KLF3: variants seen among roughly 807,000 people sequenced by gnomAD.
The protein encoded by KLF3 is Krueppel-like factor 3.
Under a neutral mutation model 32.7 loss-of-function variants are expected in KLF3, and 6 were observed. The ratio of observed to expected loss-of-function variants is 0.18; its 90% CI spans 0.10 to 0.36. The LOEUF is 0.36. KLF3 is among the 10% of genes least tolerant of loss of function. The pLI is 1.00. For synonymous variants in KLF3, 145 were observed against 172.8 expected (o/e 0.84, Z 1.26); for missense variants, 338 against 449.7 (o/e 0.75, Z 2.25).
At position 38,677,720 on chromosome 4, in the gene KLF3, A is replaced by G. The variant is rs150591864; in HGVS notation, c.-39-2867A>G. On this transcript the variant is annotated intron_variant, in intron 1 of 5. Transcript: ENST00000261438. ...ACTGAATCTAGTCAGAGTTTTATTTAAGGGTGGGGGATAGACCTCTAAGGC... is the reference window on the plus strand; with the variant it reads ...ACTGAATCTAGTCAGAGTTTTATTTGAGGGTGGGGGATAGACCTCTAAGGC... Among the ~76,000 whole-genome samples the G allele has an allele frequency of 8.1e-4, 123 of 152,322 alleles. 1 individual carries two copies. The highest frequency in any genetic ancestry group is 2.7e-3 in the African/African-American group (112 of 41,580).
intron 1 of KLF3, among the ~76,000 whole-genome samples, chr4:38,676,418 G>A (rs909355517): frequency 6.6e-6 from 1 of 152,196 alleles, no homozygotes; most frequent in Admixed American, 6.5e-5. Context: ...TCCAGCCTGG[G>A]TGACAGAGTG....
chr4:38,685,376 C>T (rs188140966), intron 2 of KLF3, among the ~76,000 whole-genome samples: 17 of 152,278 alleles, frequency 1.1e-4, no homozygotes, highest in Admixed American at 1.0e-3. Flanking sequence ...TAGTCTTGTA[C>T]CTTACAATAA....
chr4:38,699,704 A>T lies in KLF3; in HGVS notation c.*2441A>T, dbSNP rs995999634. The T allele has an allele frequency of 6.6e-6, 1 of 152,244 alleles. No individual in the cohort carries two copies. The highest frequency in any genetic ancestry group is 6.5e-5 in the Admixed American group (1 of 15,290). 9.4% of individuals were successfully genotyped at this position (152,244 alleles called of 1,614,324 possible). The stretch of plus-strand genomic sequence containing the variant: ...CTTGCTTAGATTGTGTTAACAGTTC[A>T]TTTAACAAAGATCCGTTTTAACTCT... On this transcript the variant is annotated 3_prime_UTR_variant, in exon 6 of 6. Coordinates refer to ENST00000261438, the MANE Select transcript of KLF3 (RefSeq NM_016531.6).
intron 2 of KLF3, among the ~76,000 whole-genome samples, chr4:38,682,332 T>A (rs1049321306): frequency 7.9e-5 from 12 of 152,228 alleles, no homozygotes; most frequent in Admixed American, 3.3e-4. Flanking sequence ...GTGCTGGGAT[T>A]ACAGGCATGA....
intron 1 of KLF3, chr4:38,664,808 GCCT>G (rs1721959882): frequency 6.6e-6 from 1 of 151,916 alleles, no homozygotes; most frequent in African/African-American, 2.4e-5. Flanking sequence ...GTGGTCCCCG[GCCT>G]CCTCCCGCCC....
intron 3 of KLF3, 79 bp from the exon 4 acceptor site, chr4:38,689,650 T>C: frequency 1.0e-6 from 1 of 989,848 alleles, no homozygotes; most frequent in East Asian, 2.4e-5. Context: ...GTGTTGTAGG[T>C]AGGAGCTATG....
chr4:38,667,408 T>G (rs1722077807), intron 1 of KLF3, among the ~76,000 whole-genome samples: 1 of 152,150 alleles, frequency 6.6e-6, no homozygotes, highest in Admixed American at 6.5e-5. Context: ...TCCCCACCCA[T>G]GGAGTTATCA....
chr4:38,696,662 C>G (rs1723053442), intron 5 of KLF3, among the ~76,000 whole-genome samples: 2 of 152,162 alleles, frequency 1.3e-5, no homozygotes, highest in South Asian at 2.1e-4. Flanking sequence ...TTTTGGAAAA[C>G]TATTGAAAAG....
At chr4:38,670,266 T>G (rs1431493545) in intron 1 of KLF3, among the ~76,000 whole-genome samples, 2 of 152,206 alleles carry the variant, frequency 1.3e-5, no homozygotes, top group Non-Finnish European at 2.9e-5. Context: ...GGCAGACCCT[T>G]TGCAGGAGGA....
chr4:38,697,401 C>G lies in KLF3; in HGVS notation c.*138C>G. ...GTCTGAATCTCTGAATTTATATCAT[C>G]CAAAACTTCCATATGGTCAGTAGTA... On this transcript the variant is annotated 3_prime_UTR_variant, in exon 6 of 6. Coordinates refer to ENST00000261438, the MANE Select transcript of KLF3 (RefSeq NM_016531.6). The G allele has an allele frequency of 1.3e-6, 1 of 770,556 alleles. No individual in the cohort carries two copies. The highest frequency in any genetic ancestry group is 2.7e-5 in the East Asian group (1 of 37,086). The allele number at this position is 770,556 out of a possible 1,614,324, so 47.7% of individuals were successfully genotyped here. A position where few individuals can be genotyped will look rare whatever the true frequency, so the allele number is the denominator to read the frequency against.
rs1723118582 is a variant in KLF3, at chr4:38,698,626, A to G, written c.*1363A>G. On this transcript the variant is annotated 3_prime_UTR_variant, in exon 6 of 6. Coordinates refer to ENST00000261438, the MANE Select transcript of KLF3 (RefSeq NM_016531.6). ...CAAAAGTTTACTGTTAGAGTTGGCAATTTCCTATCACTATTTCAGTGTCAG... is the reference window on the plus strand; with the variant it reads ...CAAAAGTTTACTGTTAGAGTTGGCAGTTTCCTATCACTATTTCAGTGTCAG... 6.6e-6 allele frequency: 1 copy of G among 152,490 alleles called. No homozygotes were observed. The allele number at this position is 152,490 out of a possible 1,614,324, so 9.4% of individuals were successfully genotyped here.
At chr4:38,664,486 G>C (rs1234808642) in intron 1 of KLF3, 25 bp downstream of exon 1, 1 of 152,510 alleles carries the variant, frequency 6.6e-6, no homozygotes, top group Non-Finnish European at 1.5e-5. Context: ...CCTCACCTCT[G>C]CTCCGCACCC....
At position 38,664,336 on chromosome 4, in the gene KLF3, C is replaced by G. The variant is rs375470027; in HGVS notation, c.-165C>G. 1 of 152,050 alleles carries G rather than the reference C, an allele frequency of 6.6e-6. No homozygotes were observed. The highest frequency in any genetic ancestry group is 1.5e-5 in the Non-Finnish European group (1 of 68,048). The allele number at this position is 152,050 out of a possible 1,614,324, so 9.4% of individuals were successfully genotyped here. On this transcript the variant is annotated 5_prime_UTR_variant, in exon 1 of 6. Coordinates refer to ENST00000261438, the MANE Select transcript of KLF3 (RefSeq NM_016531.6). ...CGCCCGCCGCACGCGCGCCCGTCCCCGTCCCCTGCGGCCGCCAACGCCGCC... is the reference window on the plus strand; with the variant it reads ...CGCCCGCCGCACGCGCGCCCGTCCCGGTCCCCTGCGGCCGCCAACGCCGCC...
At chr4:38,668,612 C>G (rs529814590) in intron 1 of KLF3, among the ~76,000 whole-genome samples, 3 of 152,174 alleles carry the variant, frequency 2.0e-5, no homozygotes, top group East Asian at 3.8e-4. Flanking sequence ...GGAAAAGCAG[C>G]TGGAAATACT....
intron 1 of KLF3, among the ~76,000 whole-genome samples, chr4:38,669,893 C>CAAAAAAAAAAAAAAAAAAAAAAAAAAA (rs60339860): frequency 2.4e-5 from 1 of 41,174 alleles, no homozygotes; most frequent in African/African-American, 9.1e-5. Context: ...GACTCTGTCT[C>CAAAAAAAAAAAAAAAAAAAAAAAAAAA]AAAAAAAAAA....
chr4:38,693,881 A>G (rs1378159465), intron 4 of KLF3, among the ~76,000 whole-genome samples: 3 of 152,178 alleles, frequency 2.0e-5, no homozygotes. Flanking sequence ...GCTGAAAAAA[A>G]GCTTAGATTG....
chr4:38,671,254 A>G lies in KLF3; in HGVS notation c.-40+6793A>G, dbSNP rs1377080628. 6.6e-6 allele frequency among the ~76,000 whole-genome samples: 1 copy of G among 152,216 alleles called. No homozygotes were observed. The highest frequency in any genetic ancestry group is 1.5e-5 in the Non-Finnish European group (1 of 68,034). On this transcript the variant is annotated intron_variant, in intron 1 of 5. Coordinates refer to ENST00000261438, the MANE Select transcript of KLF3 (RefSeq NM_016531.6). This position sits in a 1 kb window ranked among gnomAD's most constrained non-coding sequence, Gnocchi z 4.4. ...CCATTTCCTCATTTCTAAAATGGGG[A>G]TGAGGACCTGACCCTTCCACCTTTG...
In KLF3 at chr4:38,688,212, T is replaced by G. The variant is rs1366731076; in HGVS notation, c.58-373T>G. 6.6e-6 allele frequency among the ~76,000 whole-genome samples: 1 copy of G among 152,226 alleles called. No individual in the cohort carries two copies. Among genetic ancestry groups the G allele is most frequent in the African/African-American group, 2.4e-5 (1 of 41,456 alleles). ...GTTGGTTTGGCTTGACTGGTTCTTG[T>G]GATGCCCACCTCTGACTCCTAATGA... On this transcript the variant is annotated intron_variant, in intron 2 of 5. Transcript: ENST00000261438. This position sits in a 1 kb window ranked among gnomAD's most constrained non-coding sequence, Gnocchi z 4.9.
intron 1 of KLF3, among the ~76,000 whole-genome samples, chr4:38,679,583 C>T (rs1722454959): frequency 6.6e-6 from 1 of 152,182 alleles, no homozygotes; most frequent in South Asian, 2.1e-4. Flanking sequence ...TTTAAAGAGG[C>T]TCATTGCTGT....
Sources: allele counts gnomAD v4.1 joint callset (sites outside exome capture counted in the v4.1 genomes callset), GRCh38; gene constraint gnomAD v4.1.1; non-coding constraint Gnocchi (gnomAD v3.1); transcripts MANE v1.5; gene names NCBI Gene and HGNC (gene_info 2026-07-23, HGNC 2026-07-21).